The following DIAPH3 variants were observed in gnomAD, a reference collection of about 807,000 sequenced individuals.
The protein encoded by DIAPH3 is protein diaphanous homolog 3.
A neutral mutation model predicts 144.3 loss-of-function variants in DIAPH3; 117 were observed. That is an observed-to-expected ratio of 0.81 (90% CI 0.70 to 0.95). The LOEUF is 0.95. DIAPH3 is among the 40% of genes least tolerant of loss of function. The probability of loss-of-function intolerance (pLI) is 0.00; values close to 1 mark genes in which losing one functional copy is unlikely to be tolerated. For missense variants in DIAPH3, 1,421 were observed against 1,412.7 expected (o/e 1.01, Z -0.09); for synonymous variants, 519 against 488.9 (o/e 1.06, Z -0.81).
intron 7 of DIAPH3, chr13:60,013,330 G>A (rs2140967416): frequency 2.2e-6 from 1 of 460,728 alleles, no homozygotes; most frequent in Admixed American, 6.4e-5. Flanking sequence ...CCAACATCTG[G>A]ACGCACACAG....
intron 1 of DIAPH3, 145 bp from the exon 2 acceptor site, chr13:60,133,134 G>C (rs1203177779): frequency 1.7e-6 from 1 of 585,686 alleles, no homozygotes; most frequent in African/African-American, 1.9e-5. Flanking sequence ...ATATATAATC[G>C]TTTTAATCTC....
chr13:59,738,230 G>A (rs578135273), intron 27 of DIAPH3, among the ~76,000 whole-genome samples: 28 of 152,204 alleles, frequency 1.8e-4, no homozygotes, highest in African/African-American at 5.1e-4. Context: ...TCTTTGACCA[G>A]AACTGGTGCC....
chr13:59,884,226 A>T (rs922317827), intron 20 of DIAPH3, among the ~76,000 whole-genome samples: 1 of 152,122 alleles, frequency 6.6e-6, no homozygotes, highest in Non-Finnish European at 1.5e-5. Flanking sequence ...TGCCTGGATG[A>T]TCTGTCGCTG....
chr13:59,712,015 A>C (rs2034773295), intron 27 of DIAPH3, among the ~76,000 whole-genome samples: 1 of 152,210 alleles, frequency 6.6e-6, no homozygotes. Flanking sequence ...CTCTTGGGAC[A>C]ATAAAACACA....
intron 23 of DIAPH3, chr13:59,838,306 G>A (rs2042146545): frequency 6.6e-6 from 1 of 152,050 alleles, no homozygotes; most frequent in African/African-American, 2.4e-5. Flanking sequence ...TTACTCATTA[G>A]AGATTAAGCT....
intron 25 of DIAPH3, among the ~76,000 whole-genome samples, chr13:59,798,833 A>G (rs2039744181): frequency 6.6e-6 from 1 of 152,162 alleles, no homozygotes; most frequent in Non-Finnish European, 1.5e-5. Flanking sequence ...AGTGGCGCAT[A>G]TTGGGTAGAC....
chr13:60,007,846 G>A (rs781491440), intron 9 of DIAPH3, among the ~76,000 whole-genome samples: 6 of 152,030 alleles, frequency 3.9e-5, no homozygotes, highest in East Asian at 1.9e-4. Flanking sequence ...TATTATTCAC[G>A]TAAGCTCAAC....
intron 27 of DIAPH3, among the ~76,000 whole-genome samples, chr13:59,685,154 G>A (rs572030626): frequency 6.6e-6 from 1 of 152,066 alleles, no homozygotes; most frequent in South Asian, 2.1e-4. Flanking sequence ...TGAAGGGTGG[G>A]AAGGAGATTT....
At chr13:59,863,334 C>T (rs961464903) in intron 21 of DIAPH3, among the ~76,000 whole-genome samples, 8 of 151,994 alleles carry the variant, frequency 5.3e-5, no homozygotes, top group Admixed American at 5.2e-4. Flanking sequence ...GCTGGAAATT[C>T]AAGGCATACC....
intron 20 of DIAPH3, among the ~76,000 whole-genome samples, chr13:59,888,505 C>A (rs540438125): frequency 2.0e-5 from 3 of 152,062 alleles, no homozygotes; most frequent in African/African-American, 7.2e-5. Context: ...TATTCTATTT[C>A]GTCTACTGGC....
chr13:59,690,670 CT>C (rs2033466777), intron 27 of DIAPH3, among the ~76,000 whole-genome samples: 2 of 152,108 alleles, frequency 1.3e-5, no homozygotes, highest in African/African-American at 4.8e-5. Context: ...TCCAAAACAA[CT>C]GATTTAAAAA....
Position 59,833,254 on chromosome 13 carries a change from T to A in DIAPH3, c.2880A>T (p.Ala960=). ...TCGAAAGTGTCTCATATTGTTCTTT[T>A]GCACTGATAACAAATCTGTATACTA... ...VTKMSRFVIS[A]KEQYETLSKL... is the part of the protein sequence containing the mutation. Residue 960 remains alanine, a synonymous_variant, in exon 24 of 28, where the codon GCA becomes GCT. Coordinates refer to ENST00000400324, the MANE Select transcript of DIAPH3 (RefSeq NM_001042517.2). 4 of 1,608,596 alleles carry A rather than the reference T, an allele frequency of 2.5e-6. No individual in the cohort carries two copies. Among genetic ancestry groups the A allele is most frequent in the Non-Finnish European group, 3.4e-6 (4 of 1,176,698 alleles).
At chr13:59,737,609 A>T (rs1174223293) in intron 27 of DIAPH3, among the ~76,000 whole-genome samples, 1 of 152,180 alleles carries the variant, frequency 6.6e-6, no homozygotes, top group Non-Finnish European at 1.5e-5. Flanking sequence ...ACATACGTGG[A>T]CTTATAAAGC....
At chr13:60,110,475 T>C (rs527857663) in intron 3 of DIAPH3, among the ~76,000 whole-genome samples, 28 of 152,222 alleles carry the variant, frequency 1.8e-4, no homozygotes, top group African/African-American at 6.0e-4. Context: ...CCCTGAGAAG[T>C]TTGAAAAATA....
chr13:59,740,046 A>G (rs979025633), intron 27 of DIAPH3, among the ~76,000 whole-genome samples: 4 of 152,176 alleles, frequency 2.6e-5, no homozygotes, highest in African/African-American at 9.7e-5. Flanking sequence ...CCAATCTCCT[A>G]CAAATACTAA....
chr13:59,767,662 T>C (rs779039266), intron 27 of DIAPH3, among the ~76,000 whole-genome samples: 29 of 152,114 alleles, frequency 1.9e-4, no homozygotes, highest in Non-Finnish European at 4.1e-4. Context: ...TATAGTCCAC[T>C]ATGGAACACA....
chr13:59,714,528 A>G (rs2034951782), intron 27 of DIAPH3, among the ~76,000 whole-genome samples: 1 of 152,196 alleles, frequency 6.6e-6, no homozygotes, highest in South Asian at 2.1e-4. Context: ...CAGTGAGACC[A>G]TGTCTAAGTT....
At chr13:60,028,955 A>G (rs2054583928) in intron 5 of DIAPH3, among the ~76,000 whole-genome samples, 1 of 151,930 alleles carries the variant, frequency 6.6e-6, no homozygotes, top group Non-Finnish European at 1.5e-5. Flanking sequence ...GCTACTCAGG[A>G]GCCTGAGGCA....
At chr13:60,087,786 CA>C (rs66948092) in intron 4 of DIAPH3, among the ~76,000 whole-genome samples, 128 of 145,420 alleles carry the variant, frequency 8.8e-4, no homozygotes, top group Middle Eastern at 3.6e-3. Flanking sequence ...TCCAAAATAT[CA>C]AAAAAAAAAA....
Sources: gnomAD v4.1 joint callset for allele counts (sites outside exome capture counted in the v4.1 genomes callset) on GRCh38, gnomAD v4.1.1 for gene constraint, MANE v1.5 for transcripts, NCBI Gene and HGNC (gene_info 2026-07-23, HGNC 2026-07-21) for gene names.